The following SLIT3 variants were observed in gnomAD, a reference collection of about 807,000 sequenced individuals.
The protein encoded by SLIT3 is slit guidance ligand 3.
In SLIT3, 68 loss-of-function variants were observed where a neutral mutation model predicts 184.0. That is an observed-to-expected ratio of 0.37 (90% CI 0.30 to 0.45). The LOEUF (loss-of-function observed/expected upper bound fraction) is 0.45. SLIT3 is among the 20% of genes least tolerant of loss of function. The probability of loss-of-function intolerance (pLI) is 1.00; values close to 1 mark genes in which losing one functional copy is unlikely to be tolerated. For missense variants in SLIT3, 1,707 were observed against 2,026.0 expected (o/e 0.84, Z 3.02); for synonymous variants, 831 against 828.6 (o/e 1.00, Z -0.05).
At chr5:168,679,621 C>T (rs374413096) in intron 32 of SLIT3, among the ~76,000 whole-genome samples, 79 of 152,200 alleles carry the variant, frequency 5.2e-4, no homozygotes, top group African/African-American at 1.8e-3. Context: ...AACCTGAATG[C>T]TGAGTCGTGA....
chr5:168,694,601 CTCTT>C (rs770299180), intron 28 of SLIT3, among the ~76,000 whole-genome samples: 13 of 152,242 alleles, frequency 8.5e-5, no homozygotes, highest in African/African-American at 2.4e-4. Context: ...CTGTCTCTCT[CTCTT>C]TCTTTATCTC....
At chr5:169,226,208 G>A (rs188027948) in intron 3 of SLIT3, among the ~76,000 whole-genome samples, 21 of 152,200 alleles carry the variant, frequency 1.4e-4, no homozygotes, top group African/African-American at 2.2e-4. Context: ...ACACAGAGCC[G>A]GAGAGAAACC....
At chr5:169,201,818 G>C (rs1335812240) in intron 3 of SLIT3, among the ~76,000 whole-genome samples, 1 of 152,214 alleles carries the variant, frequency 6.6e-6, no homozygotes, top group Admixed American at 6.5e-5. Flanking sequence ...TGATTGGCCA[G>C]AACTAGTCAC....
At chr5:168,895,809 A>G (rs1760639569) in intron 4 of SLIT3, among the ~76,000 whole-genome samples, 1 of 152,254 alleles carries the variant, frequency 6.6e-6, no homozygotes, top group Non-Finnish European at 1.5e-5. Flanking sequence ...ATGCAGTTCA[A>G]TAGATTTACA....
intron 4 of SLIT3, among the ~76,000 whole-genome samples, chr5:168,933,839 T>C (rs528481360): frequency 1.3e-5 from 2 of 152,116 alleles, no homozygotes; most frequent in African/African-American, 2.4e-5. Flanking sequence ...AGCACAAGAG[T>C]GATGCGCTAA....
chr5:168,977,528 T>G (rs984984198), intron 4 of SLIT3, among the ~76,000 whole-genome samples: 1 of 152,180 alleles, frequency 6.6e-6, no homozygotes, highest in Non-Finnish European at 1.5e-5. Context: ...TGACCCAAGC[T>G]GGGTCAGTGA....
Position 169,300,223 on chromosome 5 carries a change from G to A in SLIT3, c.197+290C>T, listed in dbSNP as rs896512740. Among the ~76,000 whole-genome samples, 1 of 152,112 alleles carries A rather than the reference G, an allele frequency of 6.6e-6. No homozygotes were observed. The highest frequency in any genetic ancestry group is 2.4e-5 in the African/African-American group (1 of 41,428). On this transcript the variant is annotated intron_variant, in intron 1 of 35. Transcript: ENST00000519560. The surrounding 1 kb of genome is among the most constrained non-coding windows in gnomAD (Gnocchi z 4.1). Reference sequence around the variant, plus strand: ...GGCTGCAGTGCTCTTGCCTCCCCTCGCCTCTCCTCAGCTACTCCTTGGAAG... The same window carrying A: ...GGCTGCAGTGCTCTTGCCTCCCCTCACCTCTCCTCAGCTACTCCTTGGAAG...
At chr5:169,132,004 T>C (rs1761317311) in intron 4 of SLIT3, among the ~76,000 whole-genome samples, 1 of 152,152 alleles carries the variant, frequency 6.6e-6, no homozygotes, top group Admixed American at 6.5e-5. Flanking sequence ...AGAAGGAGCC[T>C]GGGTCTTCCA....
At chr5:169,057,447 G>A (rs961954109) in intron 4 of SLIT3, among the ~76,000 whole-genome samples, 2 of 152,320 alleles carry the variant, frequency 1.3e-5, no homozygotes, top group Admixed American at 6.5e-5. Flanking sequence ...CAGAAATGCT[G>A]GTATGGTGAG....
At chr5:168,881,300 G>GT (rs1376867851) in intron 5 of SLIT3, among the ~76,000 whole-genome samples, 2 of 152,182 alleles carry the variant, frequency 1.3e-5, no homozygotes, top group African/African-American at 2.4e-5. Context: ...TAGAGATATT[G>GT]TAAGAGGGGA....
At chr5:168,952,550 A>AAAAAAAAAAAAAAAAAAAAAAAAAAG (rs59047961) in intron 4 of SLIT3, among the ~76,000 whole-genome samples, 1 of 128,004 alleles carries the variant, frequency 7.8e-6, no homozygotes, top group African/African-American at 3.5e-5. Flanking sequence ...AAAAAAAAAG[A>AAAAAAAAAAAAAAAAAAAAAAAAAAG]GGGGAGAAGG....
At chr5:168,781,402 A>T (rs1428863826) in intron 12 of SLIT3, among the ~76,000 whole-genome samples, 1 of 152,186 alleles carries the variant, frequency 6.6e-6, no homozygotes, top group Non-Finnish European at 1.5e-5. Context: ...TGAACCATTC[A>T]TTCAATGACT....
chr5:169,248,017 T>C (rs1323224420), intron 2 of SLIT3, among the ~76,000 whole-genome samples: 1 of 151,824 alleles, frequency 6.6e-6, no homozygotes, highest in Non-Finnish European at 1.5e-5. Flanking sequence ...GGAGGAAGAG[T>C]GTGGTTGGGG....
chr5:169,032,665 T>A (rs947059394), intron 4 of SLIT3, among the ~76,000 whole-genome samples: 122 of 152,034 alleles, frequency 8.0e-4, no homozygotes, highest in Admixed American at 7.9e-3. Flanking sequence ...CTAGTTATTT[T>A]TTTTTTTGTC....
chr5:168,971,993 C>A (rs934941933), intron 4 of SLIT3, among the ~76,000 whole-genome samples: 1 of 152,198 alleles, frequency 6.6e-6, no homozygotes. Flanking sequence ...AAAATAATTT[C>A]TGTAAAAAAG....
intron 3 of SLIT3, among the ~76,000 whole-genome samples, chr5:169,210,829 A>ATTATACAC (rs1764240881): frequency 6.6e-6 from 1 of 152,218 alleles, no homozygotes; most frequent in Non-Finnish European, 1.5e-5. Flanking sequence ...CACTAGTAGA[A>ATTATACAC]TTATACACCC....
At chr5:168,692,519 C>CAG in intron 29 of SLIT3, 88 bp downstream of exon 29, 1 of 784,432 alleles carries the variant, frequency 1.3e-6, no homozygotes, top group East Asian at 2.5e-5. Flanking sequence ...AGAGAGCATG[C>CAG]AGAGAGACCA....
intron 4 of SLIT3, among the ~76,000 whole-genome samples, chr5:168,938,271 T>A (rs1320899302): frequency 5.3e-5 from 8 of 152,202 alleles, no homozygotes; most frequent in African/African-American, 1.9e-4. Context: ...CCTGCCAGCA[T>A]TTAGGTGCTA....
At chr5:168,689,022 G>C (rs1237963456) in intron 29 of SLIT3, among the ~76,000 whole-genome samples, 1 of 152,222 alleles carries the variant, frequency 6.6e-6, no homozygotes, top group Non-Finnish European at 1.5e-5. Context: ...AGGTCGGGAG[G>C]CAAATGTATT....
Sources: gnomAD v4.1 joint callset for allele counts (sites outside exome capture counted in the v4.1 genomes callset) on GRCh38, gnomAD v4.1.1 for gene constraint, Gnocchi (gnomAD v3.1) non-coding constraint, MANE v1.5 for transcripts, NCBI Gene and HGNC (gene_info 2026-07-23, HGNC 2026-07-21) for gene names.